ME1: variants seen among roughly 807,000 people sequenced by gnomAD.
ME1 encodes malic enzyme 1.
Under a neutral mutation model 66.4 loss-of-function variants are expected in ME1, and 74 were observed. The ratio of observed to expected loss-of-function variants is 1.11; its 90% confidence interval spans 0.92 to 1.35. The LOEUF (loss-of-function observed/expected upper bound fraction) is 1.35, where lower values mean the gene tolerates loss of function less well. Ranked by LOEUF, ME1 falls within the 40% of genes most tolerant of loss-of-function variation. The probability of loss-of-function intolerance (pLI) is 0.00; values close to 1 mark genes in which losing one functional copy is unlikely to be tolerated. For synonymous variants in ME1, 251 were observed against 235.6 expected, an observed-to-expected ratio of 1.07 and a Z score of -0.60; for missense variants, 750 against 694.1, an observed-to-expected ratio of 1.08 and a Z score of -0.90.
chr6:83,241,424 G>C (rs944604297), intron 7 of ME1, among the ~76,000 whole-genome samples: 2 of 152,052 alleles, frequency 1.3e-5, no homozygotes, highest in African/African-American at 4.8e-5. Flanking sequence ...GACACTTACG[G>C]TCAGATAGAC....
chr6:83,260,314 G>A (rs1417300548), intron 6 of ME1, among the ~76,000 whole-genome samples: 1 of 151,970 alleles, frequency 6.6e-6, no homozygotes, highest in African/African-American at 2.4e-5. Flanking sequence ...TAACTAAAGT[G>A]GCTATTTAGT....
intron 1 of ME1, among the ~76,000 whole-genome samples, chr6:83,413,426 TTA>T (rs1352393932): frequency 6.6e-6 from 1 of 152,144 alleles, no homozygotes; most frequent in African/African-American, 2.4e-5. Flanking sequence ...TTCAAATGAA[TTA>T]TATATATTTT....
At chr6:83,309,311 A>C (rs1767887202) in intron 6 of ME1, among the ~76,000 whole-genome samples, 3 of 152,174 alleles carry the variant, frequency 2.0e-5, no homozygotes, top group Admixed American at 2.0e-4. Context: ...CAGTTAAAAA[A>C]TTGTTACAAT....
intron 6 of ME1, among the ~76,000 whole-genome samples, chr6:83,275,464 CTTT>C (rs767009219): frequency 7.5e-5 from 9 of 119,708 alleles, no homozygotes; most frequent in Admixed American, 2.5e-4. Context: ...TAGTTTTGAT[CTTT>C]TTTTTTTTTT....
intron 3 of ME1, among the ~76,000 whole-genome samples, chr6:83,373,518 A>G (rs1401973173): frequency 6.6e-6 from 1 of 152,214 alleles, no homozygotes; most frequent in East Asian, 1.9e-4. Flanking sequence ...GCACCCAGCC[A>G]GCAATGTGTA....
intron 3 of ME1, among the ~76,000 whole-genome samples, chr6:83,375,116 T>C (rs539770433): frequency 1.3e-5 from 2 of 152,342 alleles, no homozygotes; most frequent in East Asian, 3.9e-4. Flanking sequence ...AAAGTAGTTT[T>C]TCTAATTCTG....
chr6:83,389,833 C>T (rs1222186179), intron 3 of ME1, among the ~76,000 whole-genome samples: 1 of 151,978 alleles, frequency 6.6e-6, no homozygotes, highest in Non-Finnish European at 1.5e-5. Flanking sequence ...TATGTACAAA[C>T]TAACCACAAT....
intron 7 of ME1, among the ~76,000 whole-genome samples, chr6:83,250,857 T>C (rs1328163205): frequency 6.6e-6 from 1 of 152,198 alleles, no homozygotes; most frequent in Non-Finnish European, 1.5e-5. Flanking sequence ...GAAGGCAATA[T>C]AGTAAATATT....
chr6:83,265,454 G>C (rs1159274224), intron 6 of ME1, among the ~76,000 whole-genome samples: 1 of 151,908 alleles, frequency 6.6e-6, no homozygotes, highest in Non-Finnish European at 1.5e-5. Flanking sequence ...GTGCCACCAT[G>C]CCTGGCTAAT....
chr6:83,381,567 T>A (rs946144899), intron 3 of ME1, among the ~76,000 whole-genome samples: 1 of 152,046 alleles, frequency 6.6e-6, no homozygotes, highest in Non-Finnish European at 1.5e-5. Flanking sequence ...TGTGTCCATA[T>A]CCCTATCACC....
chr6:83,426,171 A>G (rs1770367859), intron 1 of ME1, among the ~76,000 whole-genome samples: 1 of 152,242 alleles, frequency 6.6e-6, no homozygotes, highest in South Asian at 2.1e-4. Context: ...TTCTAGGCAC[A>G]AAGTTTTAGA....
At chr6:83,379,848 G>A (rs1331220958) in intron 3 of ME1, among the ~76,000 whole-genome samples, 1 of 152,034 alleles carries the variant, frequency 6.6e-6, no homozygotes, top group Non-Finnish European at 1.5e-5. Context: ...TTGAATTGTA[G>A]ATAAATCAGT....
In ME1 at chr6:83,393,728, T is replaced by C. The variant is rs577960560; in HGVS notation, c.362+4639A>G. On this transcript the variant is annotated intron_variant, in intron 3 of 13. Transcript: ENST00000369705. The stretch of plus-strand genomic sequence containing the variant: ...ACTTAGTATCTCTCAGAAACAAAAT[T>C]TCAATAAACATCCTTGAATTTAAAA... 7.9e-5 allele frequency among the ~76,000 whole-genome samples: 12 copies of C among 152,300 alleles called. No homozygotes were observed. The South Asian group carries it at 2.5e-3, about 32-fold the overall frequency.
Position 83,239,631 on chromosome 6 carries a change from C to T in ME1, c.820G>A (p.Ala274Thr), listed in dbSNP as rs1248871002. The change falls in exon 8 of 14, where the codon GCA (alanine) becomes ACA (threonine). Residue 274 changes from alanine to threonine, a missense_variant. Physicochemically the swap from Ala to Thr is moderately conservative, Grantham distance 58. Coordinates refer to ENST00000369705, the MANE Select transcript of ME1 (RefSeq NM_002395.6). ...CTFNDDIQGTASVAVAGLLAA... is the reference protein window; with the variant it reads ...CTFNDDIQGTTSVAVAGLLAA... ...AGGAGACCTGCAACTGCAACAGATG[C>T]TGTTCCTGAAACAAGTAATAAATAT... The T allele has an allele frequency of 1.9e-6, 3 of 1,610,788 alleles. No homozygotes were observed. The highest frequency in any genetic ancestry group is 2.7e-5 in the African/African-American group (2 of 74,982).
intron 6 of ME1, 28 bp from the exon 7 acceptor site, chr6:83,253,766 A>G (rs778227476): frequency 8.8e-7 from 1 of 1,129,994 alleles, no homozygotes; most frequent in African/African-American, 1.5e-5. Flanking sequence ...TCATATTAGA[A>G]GAGGTTAATA....
At chr6:83,278,387 C>T (rs1213225386) in intron 6 of ME1, among the ~76,000 whole-genome samples, 1 of 152,180 alleles carries the variant, frequency 6.6e-6, no homozygotes, top group African/African-American at 2.4e-5. Context: ...GAGGAAAAGT[C>T]CCCCTTGTGC....
chr6:83,291,710 G>A (rs1173825460), intron 6 of ME1, among the ~76,000 whole-genome samples: 1 of 152,142 alleles, frequency 6.6e-6, no homozygotes, highest in Non-Finnish European at 1.5e-5. Flanking sequence ...ATCCTGAAGA[G>A]TGTTTTCTAA....
chr6:83,326,680 G>A (rs924419711), intron 5 of ME1, among the ~76,000 whole-genome samples: 14 of 152,312 alleles, frequency 9.2e-5, no homozygotes, highest in African/African-American at 3.4e-4. Flanking sequence ...GAACCACAAT[G>A]AGATATCATC....
intron 9 of ME1, among the ~76,000 whole-genome samples, chr6:83,230,810 G>A (rs1583329973): frequency 6.6e-6 from 1 of 152,198 alleles, no homozygotes; most frequent in Non-Finnish European, 1.5e-5. Flanking sequence ...GCAGGAGCCT[G>A]TAGTCCCAGC....
Sources: gnomAD v4.1 joint callset for allele counts (sites outside exome capture counted in the v4.1 genomes callset) on GRCh38, gnomAD v4.1.1 for gene constraint, MANE v1.5 for transcripts, NCBI Gene and HGNC (gene_info 2026-07-23, HGNC 2026-07-21) for gene names.